The following JARID2 variants were observed in gnomAD, a reference collection of about 807,000 sequenced individuals.
JARID2 encodes protein Jumonji.
In JARID2, 21 loss-of-function variants were observed where a neutral mutation model predicts 125.6. The ratio of observed to expected loss-of-function variants is 0.17; its 90% CI spans 0.12 to 0.24. JARID2 has a LOEUF of 0.24. Ranked by LOEUF, JARID2 falls within the 10% of genes least tolerant of loss-of-function variation. The pLI, the probability that JARID2 is intolerant of heterozygous loss-of-function variation, is 1.00. For missense variants in JARID2, 1,303 were observed against 1,639.6 expected (o/e 0.79, Z 3.55); for synonymous variants, 736 against 661.6 (o/e 1.11, Z -1.73).
At chr6:15,436,123 T>C (rs1206838809) in intron 3 of JARID2, among the ~76,000 whole-genome samples, 1 of 152,152 alleles carries the variant, frequency 6.6e-6, no homozygotes, top group Non-Finnish European at 1.5e-5. Flanking sequence ...GGTGCTCCTT[T>C]AGTTTGCTGT....
intron 1 of JARID2, among the ~76,000 whole-genome samples, chr6:15,308,042 G>A (rs1044362624): frequency 7.9e-5 from 12 of 152,186 alleles, no homozygotes; most frequent in South Asian, 2.1e-4. Context: ...TGCACAGAAT[G>A]GTTGGTAACG....
At chr6:15,468,169 C>CT (rs10700305) in intron 4 of JARID2, among the ~76,000 whole-genome samples, 63,604 of 134,754 alleles carry the variant, frequency 0.47, 14,815 homozygotes, top group South Asian at 0.62. Context: ...TCTTCTCTGT[C>CT]TTTTTTTTTT....
intron 5 of JARID2, among the ~76,000 whole-genome samples, chr6:15,475,835 C>T (rs9476828): frequency 2.2e-4 from 34 of 152,302 alleles, no homozygotes; most frequent in African/African-American, 6.3e-4. Flanking sequence ...AGATGATCTT[C>T]GTGTCCTTTT....
At chr6:15,422,985 C>CTTTT (rs375223254) in intron 3 of JARID2, among the ~76,000 whole-genome samples, 5 of 125,892 alleles carry the variant, frequency 4.0e-5, no homozygotes, top group South Asian at 2.7e-4. Context: ...GTAGCCTAGT[C>CTTTT]TTTTTTTTTT....
At chr6:15,498,849 T>C (rs1444548149) in intron 7 of JARID2, among the ~76,000 whole-genome samples, 3 of 152,218 alleles carry the variant, frequency 2.0e-5, no homozygotes, top group Non-Finnish European at 4.4e-5. Context: ...CCATGACTAC[T>C]TGGGACACAG....
intron 1 of JARID2, among the ~76,000 whole-genome samples, chr6:15,277,149 C>T (rs931994606): frequency 6.6e-6 from 1 of 152,088 alleles, no homozygotes; most frequent in African/African-American, 2.4e-5. Context: ...TTTTGCAAAG[C>T]AGAATCTATT....
intron 2 of JARID2, among the ~76,000 whole-genome samples, chr6:15,395,813 C>T (rs1765199583): frequency 6.6e-6 from 1 of 151,762 alleles, no homozygotes; most frequent in Non-Finnish European, 1.5e-5. Flanking sequence ...TACAGGTGTG[C>T]ACCACCATGC....
At chr6:15,329,556 ATTAG>A (rs1350746586) in intron 1 of JARID2, among the ~76,000 whole-genome samples, 2 of 152,168 alleles carry the variant, frequency 1.3e-5, no homozygotes, top group African/African-American at 2.4e-5. Context: ...GGATGCACAG[ATTAG>A]TTAATGTCTC....
chr6:15,490,137 T>C (rs1191761555), intron 6 of JARID2, among the ~76,000 whole-genome samples: 2 of 152,204 alleles, frequency 1.3e-5, no homozygotes, highest in African/African-American at 4.8e-5. Context: ...TAAAAGCAAA[T>C]TGTAGATTCC....
chr6:15,417,750 A>C (rs1354316416), intron 3 of JARID2, among the ~76,000 whole-genome samples: 6 of 152,210 alleles, frequency 3.9e-5, no homozygotes, highest in Non-Finnish European at 5.9e-5. Context: ...TCAAAAAAAA[A>C]CTAAATAAGC....
chr6:15,315,793 A>G (rs1762159822), intron 1 of JARID2, among the ~76,000 whole-genome samples: 1 of 152,170 alleles, frequency 6.6e-6, no homozygotes, highest in Non-Finnish European at 1.5e-5. Flanking sequence ...TAATGAAGCA[A>G]GCAAGTCCTG....
intron 8 of JARID2, among the ~76,000 whole-genome samples, chr6:15,503,404 A>G (rs1003907389): frequency 1.3e-5 from 2 of 152,352 alleles, no homozygotes; most frequent in African/African-American, 4.8e-5. Flanking sequence ...GCACAAGCCA[A>G]TGTCTCCATG....
chr6:15,352,393 A>AGAGGAAGACT (rs1435039714), intron 1 of JARID2, among the ~76,000 whole-genome samples: 1 of 151,946 alleles, frequency 6.6e-6, no homozygotes, highest in Non-Finnish European at 1.5e-5. Context: ...TTGTCATTGG[A>AGAGGAAGACT]GAGGAAGACT....
chr6:15,432,232 C>G (rs546013461), intron 3 of JARID2, among the ~76,000 whole-genome samples: 1 of 152,196 alleles, frequency 6.6e-6, no homozygotes, highest in South Asian at 2.1e-4. Flanking sequence ...GATTCAAGAC[C>G]AGCTTGGCCA....
intron 1 of JARID2, among the ~76,000 whole-genome samples, chr6:15,346,351 T>C (rs1763243969): frequency 6.6e-6 from 1 of 152,342 alleles, no homozygotes. Context: ...TTTGTGGTTT[T>C]CCACCATTTA....
intron 1 of JARID2, among the ~76,000 whole-genome samples, chr6:15,266,110 T>C (rs1225472676): frequency 6.6e-6 from 1 of 152,170 alleles, no homozygotes; most frequent in East Asian, 1.9e-4. Flanking sequence ...CTGTCACATA[T>C]GCTCTCCTGG....
chr6:15,337,761 G>C (rs1762928620), intron 1 of JARID2, among the ~76,000 whole-genome samples: 2 of 149,678 alleles, frequency 1.3e-5, no homozygotes, highest in African/African-American at 4.9e-5. Flanking sequence ...CTCTGTTTCT[G>C]ATAGGGAAGT....
chr6:15,454,306 T>C (rs1258311798), intron 4 of JARID2, among the ~76,000 whole-genome samples: 1 of 152,158 alleles, frequency 6.6e-6, no homozygotes. Flanking sequence ...GGGGGAAATT[T>C]TGACATTATA....
intron 2 of JARID2, among the ~76,000 whole-genome samples, chr6:15,404,055 G>A (rs1233873543): frequency 6.6e-6 from 1 of 152,176 alleles, no homozygotes. Context: ...GCCGAGGTAT[G>A]AAACCACTTT....
Sources: allele counts gnomAD v4.1 joint callset (sites outside exome capture counted in the v4.1 genomes callset), GRCh38; gene constraint gnomAD v4.1.1; transcripts MANE v1.5; gene names NCBI Gene and HGNC (gene_info 2026-07-23, HGNC 2026-07-21).